The following TMTC2 variants were observed in gnomAD, a reference collection of about 807,000 sequenced individuals.
TMTC2 encodes the protein transmembrane O-mannosyltransferase targeting cadherins 2.
Under a neutral mutation model 82.4 loss-of-function variants are expected in TMTC2, and 43 were observed. The observed-to-expected ratio is 0.52, with a 90% confidence interval of 0.41 to 0.67. TMTC2 has a LOEUF of 0.67. Among genes scored for constraint, TMTC2 ranks in the 30% least tolerant of loss-of-function variants. The pLI is 0.00. For synonymous variants in TMTC2, 408 were observed against 381.9 expected, an observed-to-expected ratio of 1.07 and a Z score of -0.80; for missense variants, 919 against 1,012.4, an observed-to-expected ratio of 0.91 and a Z score of 1.25.
At chr12:82,879,922 A>T (rs1302360018) in intron 2 of TMTC2, among the ~76,000 whole-genome samples, 1 of 152,224 alleles carries the variant, frequency 6.6e-6, no homozygotes. Flanking sequence ...TGCTGTCCTT[A>T]CTGGATGCCG....
intron 1 of TMTC2, among the ~76,000 whole-genome samples, chr12:82,829,135 T>TTTTA (rs1041000336): frequency 6.6e-6 from 1 of 152,152 alleles, no homozygotes; most frequent in Non-Finnish European, 1.5e-5. Context: ...TACACTAAGG[T>TTTTA]TTTATCAGTC....
At position 82,999,640 on chromosome 12, in the gene TMTC2, G is replaced by GAA. The variant is rs371435746; in HGVS notation, c.2070+13595_2070+13596dup. ...GCAGGCAAAGAGAGAGAGAGAGAGAGAATGCTTGTGCAGGGAAACTCCCGT... is the reference window on the plus strand; with the variant it reads ...GCAGGCAAAGAGAGAGAGAGAGAGAGAAAATGCTTGTGCAGGGAAACTCCCGT... On this transcript the variant is annotated intron_variant, in intron 8 of 11. Transcript: ENST00000321196. Among the ~76,000 whole-genome samples, 867 of 152,250 alleles carry GAA rather than the reference G, an allele frequency of 5.7e-3. 6 individuals carry two copies. Among genetic ancestry groups the GAA allele is most frequent in the African/African-American group, 0.02 (814 of 41,556 alleles).
At chr12:83,069,539 G>A (rs1423183045) in intron 11 of TMTC2, among the ~76,000 whole-genome samples, 7 of 151,930 alleles carry the variant, frequency 4.6e-5, no homozygotes, top group Non-Finnish European at 1.0e-4. Flanking sequence ...TTTTTTGATG[G>A]GATTGTTTGA....
At chr12:82,696,076 T>C (rs923043667) in intron 1 of TMTC2, among the ~76,000 whole-genome samples, 3 of 152,214 alleles carry the variant, frequency 2.0e-5, no homozygotes, top group Non-Finnish European at 2.9e-5. Flanking sequence ...ACTATACAAC[T>C]GTTCTCCCAA....
chr12:83,027,010 C>G (rs1179651541), intron 8 of TMTC2, among the ~76,000 whole-genome samples: 2 of 152,058 alleles, frequency 1.3e-5, no homozygotes, highest in Non-Finnish European at 2.9e-5. Context: ...CCTGACCAGG[C>G]ACTCTCCTAA....
chr12:83,024,189 G>T (rs899553021), intron 8 of TMTC2, among the ~76,000 whole-genome samples: 1 of 151,994 alleles, frequency 6.6e-6, no homozygotes, highest in Non-Finnish European at 1.5e-5. Flanking sequence ...TCATTATATG[G>T]AATATCACAT....
At chr12:82,947,335 C>CT (rs1010417533) in intron 4 of TMTC2, among the ~76,000 whole-genome samples, 49 of 124,584 alleles carry the variant, frequency 3.9e-4, no homozygotes, top group African/African-American at 1.2e-3. Context: ...ATTTTTTTTT[C>CT]TTTTTTTTTC....
intron 8 of TMTC2, among the ~76,000 whole-genome samples, chr12:83,000,479 A>G (rs1289064691): frequency 2.0e-5 from 3 of 152,122 alleles, no homozygotes; most frequent in Admixed American, 6.6e-5. Context: ...CTTTGAATCT[A>G]TGTCTCACAT....
At chr12:82,725,243 A>G (rs989651840) in intron 1 of TMTC2, among the ~76,000 whole-genome samples, 11 of 152,086 alleles carry the variant, frequency 7.2e-5, no homozygotes, top group African/African-American at 2.7e-4. Context: ...TCCTCCAAAA[A>G]TACCTTGCTA....
chr12:82,694,969 T>C (rs1872723783), intron 1 of TMTC2, among the ~76,000 whole-genome samples: 1 of 152,226 alleles, frequency 6.6e-6, no homozygotes, highest in African/African-American at 2.4e-5. Flanking sequence ...TCCTTAGAAG[T>C]AGAAAATTTT....
chr12:83,003,309 G>A (rs948971031), intron 8 of TMTC2, among the ~76,000 whole-genome samples: 6 of 152,066 alleles, frequency 3.9e-5, no homozygotes, highest in Non-Finnish European at 8.8e-5. Flanking sequence ...GCCTGTGGGT[G>A]TTGATACCTG....
At position 82,881,688 on chromosome 12, in the gene TMTC2, C is replaced by G. The variant is rs74106159; in HGVS notation, c.655-14130C>G. On this transcript the variant is annotated intron_variant, in intron 2 of 11. Transcript: ENST00000321196. ...AACATAACATGAAATACTCCACTAG[C>G]TTATTACTGTAAAGTTAGTATAATT... Among the ~76,000 whole-genome samples, 896 of 152,296 alleles carry G rather than the reference C, an allele frequency of 5.9e-3. 7 individuals carry two copies. Among genetic ancestry groups the G allele is most frequent in the African/African-American group, 0.02 (849 of 41,568 alleles).
chr12:83,055,775 G>T (rs1033495545), intron 10 of TMTC2, among the ~76,000 whole-genome samples: 18 of 151,732 alleles, frequency 1.2e-4, no homozygotes, highest in Middle Eastern at 3.4e-3. Context: ...AGGGATAAAA[G>T]TAGCATTTGT....
At chr12:82,909,205 C>T (rs1003212943) in intron 3 of TMTC2, among the ~76,000 whole-genome samples, 1 of 152,120 alleles carries the variant, frequency 6.6e-6, no homozygotes, top group African/African-American at 2.4e-5. Flanking sequence ...TATGTGGCTT[C>T]TGCAGTGTGA....
chr12:82,724,405 A>G (rs1874348903), intron 1 of TMTC2, among the ~76,000 whole-genome samples: 1 of 152,108 alleles, frequency 6.6e-6, no homozygotes, highest in African/African-American at 2.4e-5. Flanking sequence ...CTAGTGGGAG[A>G]TGATTAGATC....
intron 11 of TMTC2, among the ~76,000 whole-genome samples, chr12:83,082,765 T>A (rs1883515872): frequency 1.3e-5 from 2 of 152,314 alleles, no homozygotes; most frequent in South Asian, 4.1e-4. Flanking sequence ...GTTTTTGGGT[T>A]TTGCCTTCCT....
chr12:83,009,451 G>A (rs1469951096), intron 8 of TMTC2, among the ~76,000 whole-genome samples: 3 of 151,694 alleles, frequency 2.0e-5, no homozygotes, highest in Admixed American at 6.6e-5. Flanking sequence ...TTGCTTCTGC[G>A]TCAGAAAAGC....
chr12:82,696,991 T>TATATATATATATATATATATATA (rs1555177402), intron 1 of TMTC2, among the ~76,000 whole-genome samples: 1 of 150,890 alleles, frequency 6.6e-6, no homozygotes, highest in East Asian at 2.0e-4. Flanking sequence ...TATGTTTCTA[T>TATATATATATATATATATATATA]TAATAGATCA....
At chr12:83,046,129 C>T (rs1882117914) in intron 9 of TMTC2, among the ~76,000 whole-genome samples, 1 of 152,160 alleles carries the variant, frequency 6.6e-6, no homozygotes, top group Non-Finnish European at 1.5e-5. Flanking sequence ...TTATCCCCCT[C>T]TGTCGAATTC....
Sources: allele counts gnomAD v4.1 joint callset (sites outside exome capture counted in the v4.1 genomes callset), GRCh38; gene constraint gnomAD v4.1.1; transcripts MANE v1.5; gene names NCBI Gene and HGNC (gene_info 2026-07-23, HGNC 2026-07-21).